The following FHL2 variants were observed in gnomAD, a reference collection of about 807,000 sequenced individuals.
The protein encoded by FHL2 is four and a half LIM domains protein 2.
A neutral mutation model predicts 32.7 loss-of-function variants in FHL2; 20 were observed. The observed-to-expected ratio is 0.61, with a 90% CI of 0.43 to 0.89. The LOEUF is 0.89. FHL2 is among the 40% of genes least tolerant of loss of function. FHL2 has a pLI of 0.00. For synonymous variants in FHL2, 123 were observed against 128.1 expected (o/e 0.96, Z 0.27); for missense variants, 311 against 358.6 (o/e 0.87, Z 1.07).
chr2:105,398,749 C>A, intron 1 of FHL2, 93 bp downstream of exon 1: 1 of 1,098,212 alleles, frequency 9.1e-7, no homozygotes, highest in Non-Finnish European at 1.2e-6. Flanking sequence ...GTCTACCCCA[C>A]AGCTCAACTC....
Position 105,392,812 on chromosome 2 carries a change from C to CT in FHL2, c.-25+3834dup, listed in dbSNP as rs34774107. Among the ~76,000 whole-genome samples the CT allele has an allele frequency of 1.8e-3, 117 of 66,004 alleles. 2 individuals are homozygous for CT. The highest frequency in any genetic ancestry group is 2.6e-3 in the African/African-American group (42 of 16,312). The allele number at this position is 66,004 out of a possible 152,430, so 43.3% of individuals were successfully genotyped here. On this transcript the variant is annotated intron_variant, in intron 2 of 6. Coordinates refer to ENST00000530340, the MANE Select transcript of FHL2 (RefSeq NM_001318895.3). ...GGCAAGGACCCTGCATGCCAGGAAG[C>CT]TTTTTTTTTTTTTTTTTTTTTTTTC... is the stretch of plus-strand genomic sequence containing the variant.
intron 3 of FHL2, among the ~76,000 whole-genome samples, chr2:105,385,178 T>C (rs1024168840): frequency 6.6e-5 from 10 of 152,206 alleles, no homozygotes; most frequent in Admixed American, 3.9e-4. Context: ...TTTAGGGGGC[T>C]GGTGCTGTAC....
intron 1 of FHL2, among the ~76,000 whole-genome samples, chr2:105,407,974 T>A (rs751050262): frequency 4.6e-5 from 7 of 152,244 alleles, no homozygotes; most frequent in African/African-American, 4.8e-5. Context: ...TATCAAATGC[T>A]TTAAAAAATT....
intron 1 of FHL2, among the ~76,000 whole-genome samples, chr2:105,426,696 T>C (rs1684278512): frequency 6.6e-6 from 1 of 152,188 alleles, no homozygotes. Context: ...CAGGCGGAGA[T>C]ATTTTCCACT....
At chr2:105,437,896 C>A (rs1684659858) in intron 1 of FHL2, among the ~76,000 whole-genome samples, 1 of 152,224 alleles carries the variant, frequency 6.6e-6, no homozygotes, top group South Asian at 2.1e-4. Flanking sequence ...CATAAACACA[C>A]TTTCCCAGAG....
intron 2 of FHL2, chr2:105,390,309 G>A (rs1682634745): frequency 6.6e-6 from 1 of 152,656 alleles, no homozygotes. Context: ...TACGACTGAG[G>A]TTATGAATGT....
intron 3 of FHL2, among the ~76,000 whole-genome samples, chr2:105,377,099 T>A (rs1681525790): frequency 6.6e-6 from 1 of 152,208 alleles, no homozygotes; most frequent in Non-Finnish European, 1.5e-5. Context: ...AATCAGACCT[T>A]GGCGATGATC....
chr2:105,407,310 T>C (rs900922584), intron 1 of FHL2, among the ~76,000 whole-genome samples: 2 of 148,758 alleles, frequency 1.3e-5, no homozygotes, highest in East Asian at 2.0e-4. Context: ...GAGAATGGCA[T>C]GAACCCAGGA....
intron 4 of FHL2, among the ~76,000 whole-genome samples, chr2:105,370,954 T>C (rs1181757631): frequency 1.3e-5 from 2 of 152,196 alleles, no homozygotes; most frequent in East Asian, 1.9e-4. Flanking sequence ...TTATTATTAC[T>C]ACACAGCATT....
intron 2 of FHL2, among the ~76,000 whole-genome samples, chr2:105,388,388 G>A (rs1046682015): frequency 6.6e-6 from 1 of 152,174 alleles, no homozygotes; most frequent in African/African-American, 2.4e-5. Context: ...ATGTTAGAAT[G>A]ATCCTGGAGA....
At chr2:105,432,676 A>G (rs1414451360) in intron 1 of FHL2, among the ~76,000 whole-genome samples, 9 of 150,764 alleles carry the variant, frequency 6.0e-5, no homozygotes, top group Admixed American at 2.7e-4. Flanking sequence ...ACACACAGAC[A>G]CACGCAGAGA....
At chr2:105,358,984 CCCTG>C (rs570672840), downstream of FHL2, 1 of 152,300 alleles carries the variant, frequency 6.6e-6, no homozygotes, top group Non-Finnish European at 1.5e-5. Context: ...AGTTTTAGAT[CCCTG>C]GCGGGGGCCT....
At chr2:105,406,110 T>A (rs1342086242) in intron 1 of FHL2, among the ~76,000 whole-genome samples, 2 of 152,090 alleles carry the variant, frequency 1.3e-5, no homozygotes, top group Non-Finnish European at 2.9e-5. Flanking sequence ...GACCTGGGAG[T>A]CATGACAGAG....
upstream of FHL2, among the ~76,000 whole-genome samples, chr2:105,400,201 C>T (rs1683414817): frequency 6.6e-6 from 1 of 152,100 alleles, no homozygotes; most frequent in African/African-American, 2.4e-5. Context: ...GCCACGTGAA[C>T]GGTAACTGTG....
chr2:105,386,623 C>G, intron 2 of FHL2, 83 bp from the exon 3 acceptor site: 4 of 1,231,088 alleles, frequency 3.2e-6, no homozygotes, highest in Non-Finnish European at 4.6e-6. Context: ...GTCCCACTGT[C>G]TGTCATCTTT....
intron 3 of FHL2, among the ~76,000 whole-genome samples, chr2:105,384,442 G>A (rs895840286): frequency 6.6e-6 from 1 of 152,182 alleles, no homozygotes; most frequent in Non-Finnish European, 1.5e-5. Context: ...GTACGAGTGC[G>A]AGTGCAAGGG....
chr2:105,436,290 C>T (rs1025561959), intron 1 of FHL2, among the ~76,000 whole-genome samples: 1 of 152,078 alleles, frequency 6.6e-6, no homozygotes, highest in Non-Finnish European at 1.5e-5. Flanking sequence ...TCAAAAGGGA[C>T]CAGTAATAGT....
rs1332692675 is a variant in FHL2, at chr2:105,360,883, C to T, written c.*400G>A. 3 of 158,172 alleles carry T rather than the reference C, an allele frequency of 1.9e-5. No homozygotes were observed. Among genetic ancestry groups the T allele is most frequent in the East Asian group, 1.9e-4 (1 of 5,364 alleles). 9.8% of individuals were successfully genotyped at this position (158,172 alleles called of 1,614,324 possible). A position where few individuals can be genotyped will look rare whatever the true frequency, so the allele number is the denominator to read the frequency against. ...TAATCTTGGTTTAGACTTGACGCAA[C>T]GGGAGGTTACAGAGCTGTAAATAAC... On this transcript the variant is annotated 3_prime_UTR_variant, in exon 7 of 7. Coordinates refer to ENST00000530340, the MANE Select transcript of FHL2 (RefSeq NM_001318895.3).
intron 6 of FHL2, among the ~76,000 whole-genome samples, 179 bp from the exon 7 acceptor site, chr2:105,361,613 G>C (rs1270075513): frequency 6.6e-6 from 1 of 152,158 alleles, no homozygotes; most frequent in Non-Finnish European, 1.5e-5. Context: ...GCACAGCCTG[G>C]AGGATCTCGT....
Sources: gnomAD v4.1 joint callset for allele counts (sites outside exome capture counted in the v4.1 genomes callset) on GRCh38, gnomAD v4.1.1 for gene constraint, MANE v1.5 for transcripts, NCBI Gene and HGNC (gene_info 2026-07-23, HGNC 2026-07-21) for gene names.